Variants in SNED1 observed in about 807,000 individuals in gnomAD.
SNED1 encodes the protein sushi, nidogen and EGF like domains 1.
Under a neutral mutation model 166.7 loss-of-function variants are expected in SNED1, and 81 were observed. The ratio of observed to expected loss-of-function variants is 0.49; its 90% CI spans 0.41 to 0.58. The LOEUF is 0.58. SNED1 is among the 20% of genes least tolerant of loss of function. The pLI, the probability that SNED1 is intolerant of heterozygous loss-of-function variation, is 0.00. For synonymous variants in SNED1, 762 were observed against 822.0 expected, an observed-to-expected ratio of 0.93 and a Z score of 1.25; for missense variants, 1,604 against 2,000.2, an observed-to-expected ratio of 0.80 and a Z score of 3.78.
intron 27 of SNED1, among the ~76,000 whole-genome samples, chr2:241,078,377 C>T (rs1157027766): frequency 2.9e-5 from 3 of 101,822 alleles, no homozygotes; most frequent in East Asian, 2.9e-4. Flanking sequence ...AACTAGACTC[C>T]GTCTCAAAAA....
At chr2:241,084,708 G>A (rs1418005142) in intron 29 of SNED1, among the ~76,000 whole-genome samples, 2 of 152,072 alleles carry the variant, frequency 1.3e-5, no homozygotes, top group Non-Finnish European at 2.9e-5. Context: ...TCTGCCTGCC[G>A]ACTCCAGCAC....
At chr2:241,059,449 AC>A (rs1181204216) in intron 16 of SNED1, among the ~76,000 whole-genome samples, 1 of 152,188 alleles carries the variant, frequency 6.6e-6, no homozygotes, top group Non-Finnish European at 1.5e-5. Flanking sequence ...TTCTCAACTC[AC>A]CTTGATACCA....
chr2:241,033,211 C>T lies in SNED1; in HGVS notation c.502-524C>T, dbSNP rs577038674. 2.0e-5 allele frequency among the ~76,000 whole-genome samples: 3 copies of T among 152,250 alleles called. No individual in the cohort carries two copies. In the East Asian group the frequency reaches 5.8e-4, roughly 29 times the overall value. On this transcript the variant is annotated intron_variant, in intron 2 of 31. Coordinates refer to ENST00000310397, the MANE Select transcript of SNED1 (RefSeq NM_001080437.3). ...CTTTTTCAGGGGGTTTCCTGTTTGT[C>T]CCAAGATCATTTCTTAAACAGTCCC...
intron 2 of SNED1, among the ~76,000 whole-genome samples, chr2:241,031,118 T>A (rs946509847): frequency 6.6e-6 from 1 of 152,064 alleles, no homozygotes; most frequent in Non-Finnish European, 1.5e-5. Flanking sequence ...AAAGAGGCGC[T>A]GGGTGCAGAA....
Position 241,079,527 on chromosome 2 carries a change from CTAA to C in SNED1, c.3917-2146_3917-2144del, listed in dbSNP as rs111290530. On this transcript the variant is annotated intron_variant, in intron 27 of 31. Coordinates refer to ENST00000310397, the MANE Select transcript of SNED1 (RefSeq NM_001080437.3). Reference sequence around the variant, plus strand: ...TCCTCATTTTAATAAAGAAATGAAACTAATAAGATGGTTCACTAAATGAGGAGG... The same window carrying C: ...TCCTCATTTTAATAAAGAAATGAAACTAAGATGGTTCACTAAATGAGGAGG... Among the ~76,000 whole-genome samples the C allele has an allele frequency of 5.9e-3, 900 of 151,300 alleles. 7 individuals are homozygous for C. The highest frequency in any genetic ancestry group is 0.015 in the African/African-American group (622 of 41,216).
At chr2:241,081,601 AG>A in intron 27 of SNED1, 75 bp from the exon 28 acceptor site, 8 of 1,069,690 alleles carry the variant, frequency 7.5e-6, no homozygotes, top group Non-Finnish European at 1.1e-5. Flanking sequence ...TCATCAAGGA[AG>A]GGACAGCAAC....
At chr2:241,049,171 G>A (rs1461064964) in intron 11 of SNED1, 36 bp downstream of exon 11, 2 of 1,535,864 alleles carry the variant, frequency 1.3e-6, no homozygotes, top group Non-Finnish European at 1.8e-6. Flanking sequence ...TGGGCCGGGG[G>A]CCCGGACAGA....
At chr2:241,057,396 T>C (rs1345486337) in intron 16 of SNED1, among the ~76,000 whole-genome samples, 1 of 142,204 alleles carries the variant, frequency 7.0e-6, no homozygotes, top group Non-Finnish European at 1.5e-5. Flanking sequence ...TATATATATA[T>C]ATATATATAT....
intron 27 of SNED1, among the ~76,000 whole-genome samples, chr2:241,078,112 C>T (rs527572939): frequency 1.6e-3 from 248 of 152,208 alleles, no homozygotes; most frequent in East Asian, 4.8e-3. Context: ...TGGCCGGGCG[C>T]GGTGGCTCAC....
chr2:241,024,092 G>A (rs2060858665), intron 1 of SNED1, among the ~76,000 whole-genome samples: 1 of 150,688 alleles, frequency 6.6e-6, no homozygotes, highest in African/African-American at 2.4e-5. Flanking sequence ...CACCATGTTG[G>A]CCATGGCTGG....
rs1400308356 is a variant in SNED1 at position 241,091,923 on chromosome 2, T to C, written c.*287T>C. 2 of 152,324 alleles carry C rather than the reference T, an allele frequency of 1.3e-5. No homozygotes were observed. The highest frequency in any genetic ancestry group is 2.9e-5 in the Non-Finnish European group (2 of 68,116). The allele number at this position is 152,324 out of a possible 1,614,324, so 9.4% of individuals were successfully genotyped here. A position where few individuals can be genotyped will look rare whatever the true frequency, so the allele number is the denominator to read the frequency against. Reference sequence around the variant, plus strand: ...AGCTGCAGTTCCTGAAGGTGTAGTCTGTGTCTCTGCGGATGAGATGACAGC... The same window carrying C: ...AGCTGCAGTTCCTGAAGGTGTAGTCCGTGTCTCTGCGGATGAGATGACAGC... On this transcript the variant is annotated 3_prime_UTR_variant, in exon 32 of 32. Coordinates refer to ENST00000310397, the MANE Select transcript of SNED1 (RefSeq NM_001080437.3). The surrounding 1 kb of genome is among the most constrained non-coding windows in gnomAD (Gnocchi z 4.1).
intron 27 of SNED1, among the ~76,000 whole-genome samples, chr2:241,079,616 C>T (rs1221745740): frequency 6.6e-6 from 1 of 151,992 alleles, no homozygotes; most frequent in Non-Finnish European, 1.5e-5. Context: ...CCTTGTTTTA[C>T]AGTTTTGACT....
chr2:241,089,990 C>T (rs756212284), intron 31 of SNED1: 27 of 1,548,674 alleles, frequency 1.7e-5, no homozygotes, highest in East Asian at 4.9e-5. Context: ...CTGGGCAGGG[C>T]GCTTAGCGTA....
intron 8 of SNED1, among the ~76,000 whole-genome samples, chr2:241,042,281 G>T (rs1381477466): frequency 6.6e-6 from 1 of 152,168 alleles, no homozygotes; most frequent in East Asian, 1.9e-4. Flanking sequence ...CTCAAACAGG[G>T]CTGGGAGTCT....
chr2:241,004,174 C>G (rs1326927703), intron 1 of SNED1, among the ~76,000 whole-genome samples: 1 of 152,230 alleles, frequency 6.6e-6, no homozygotes. Context: ...GTAGTGGGCA[C>G]AACACTGATA....
At chr2:241,081,999 G>A (rs1461219779) in intron 28 of SNED1, among the ~76,000 whole-genome samples, 2 of 152,212 alleles carry the variant, frequency 1.3e-5, no homozygotes, top group African/African-American at 4.8e-5. Context: ...GCCCATCACG[G>A]GGGTCAGAAC....
intron 2 of SNED1, chr2:241,033,419 A>C: frequency 3.8e-6 from 1 of 263,200 alleles, no homozygotes; most frequent in Middle Eastern, 1.1e-3. Flanking sequence ...CACACAGGAG[A>C]TTTTGTGGAT....
intron 16 of SNED1, among the ~76,000 whole-genome samples, chr2:241,056,355 A>T (rs1338197072): frequency 6.6e-6 from 1 of 152,212 alleles, no homozygotes; most frequent in Non-Finnish European, 1.5e-5. Flanking sequence ...AGCTCAAGAG[A>T]TCCTCCTGCC....
At chr2:241,003,470 C>G (rs544002039) in intron 1 of SNED1, among the ~76,000 whole-genome samples, 5 of 152,368 alleles carry the variant, frequency 3.3e-5, no homozygotes, top group Non-Finnish European at 7.3e-5. Context: ...GTCTTGGCCA[C>G]CAGCACATTT....
Sources: gnomAD v4.1 joint callset for allele counts (sites outside exome capture counted in the v4.1 genomes callset) on GRCh38, gnomAD v4.1.1 for gene constraint, Gnocchi (gnomAD v3.1) non-coding constraint, MANE v1.5 for transcripts, NCBI Gene and HGNC (gene_info 2026-07-23, HGNC 2026-07-21) for gene names.